Variants in MTCH1 observed in about 807,000 individuals in gnomAD.
The protein encoded by MTCH1 is mitochondrial carrier 1.
In MTCH1, 23 loss-of-function variants were observed where a neutral mutation model predicts 49.3. The ratio of observed to expected loss-of-function variants is 0.47; its 90% CI spans 0.34 to 0.66. The LOEUF is 0.66. Ranked by LOEUF, MTCH1 falls within the 30% of genes least tolerant of loss-of-function variation. The probability of loss-of-function intolerance (pLI) is 0.01; values close to 1 mark genes in which losing one functional copy is unlikely to be tolerated. For missense variants in MTCH1, 397 were observed against 532.1 expected (o/e 0.75, Z 2.50); for synonymous variants, 229 against 215.2 (o/e 1.06, Z -0.56).
At position 36,986,007 on chromosome 6, in the gene MTCH1, G is replaced by A. The variant is rs1405799185; in HGVS notation, c.167C>T (p.Pro56Leu). 2 of 1,530,662 alleles carry A rather than the reference G, an allele frequency of 1.3e-6. No individual in the cohort carries two copies. Among genetic ancestry groups the A allele is most frequent in the Non-Finnish European group, 8.8e-7 (1 of 1,140,744 alleles). The allele number at this position is 1,530,662 out of a possible 1,614,324, so 94.8% of individuals were successfully genotyped here. The change falls in exon 1 of 12, where the codon CCT (proline) becomes CTT (leucine). Residue 56 changes from proline (P) to leucine (L), a missense_variant. By Grantham distance (98) the Pro-to-Leu change is moderately conservative. Transcript: ENST00000373627. ...AHRAHPRHPRPAAQPSARRMD... is the reference protein window; with the variant it reads ...AHRAHPRHPRLAAQPSARRMD... Reference sequence around the variant, plus strand: ...CCTGCGGGCCGAGGGCTGAGCCGCAGGCCGAGGGTGGCGAGGATGTGCGCG... The same window carrying A: ...CCTGCGGGCCGAGGGCTGAGCCGCAAGCCGAGGGTGGCGAGGATGTGCGCG...
upstream of MTCH1, among the ~76,000 whole-genome samples, chr6:36,986,527 C>T (rs1426900706): frequency 1.3e-5 from 2 of 152,180 alleles, no homozygotes; most frequent in African/African-American, 2.4e-5. Flanking sequence ...CAAGCCACCT[C>T]CCTGGCTTCG....
intron 11 of MTCH1, chr6:36,969,424 A>G: frequency 9.4e-6 from 10 of 1,065,618 alleles, no homozygotes; most frequent in Non-Finnish European, 1.1e-5. Flanking sequence ...ACTGCGAGGC[A>G]AATCAAGGCC....
intron 2 of MTCH1, among the ~76,000 whole-genome samples, chr6:36,979,310 G>T (rs971077971): frequency 3.9e-5 from 6 of 152,328 alleles, no homozygotes; most frequent in African/African-American, 1.4e-4. Context: ...CCCTACCTGT[G>T]TGAGTTAGTG....
intron 11 of MTCH1, chr6:36,969,568 G>A (rs1471876483): frequency 1.7e-5 from 20 of 1,149,322 alleles, no homozygotes; most frequent in African/African-American, 9.7e-5. Flanking sequence ...AGTTCCCCAC[G>A]TGGCCCAGCC....
At position 36,982,123 on chromosome 6, in the gene MTCH1, A is replaced by T. The variant is rs1389345941; in HGVS notation, c.322-451T>A. On this transcript the variant is annotated intron_variant, in intron 1 of 11. Transcript: ENST00000373627. This position sits in a 1 kb window ranked among gnomAD's most constrained non-coding sequence, Gnocchi z 4.1. ...TACCCAAACCTCAGACAGGTCAGCC[A>T]TTAAGTCATCTATTCCAAAGTGCAC... is the stretch of plus-strand genomic sequence containing the variant. 2.0e-5 allele frequency among the ~76,000 whole-genome samples: 3 copies of T among 152,206 alleles called. No individual in the cohort carries two copies. Among genetic ancestry groups the T allele is most frequent in the African/African-American group, 4.8e-5 (2 of 41,452 alleles).
chr6:36,969,596 T>G, intron 11 of MTCH1: 1 of 1,179,204 alleles, frequency 8.5e-7, no homozygotes, highest in Non-Finnish European at 1.1e-6. Context: ...CAGGCTCTCC[T>G]GGGCCCAGGA....
At chr6:36,985,714 C>CCCCCCGCCCCCCCA in intron 1 of MTCH1, 139 bp downstream of exon 1, 1 of 404,928 alleles carries the variant, frequency 2.5e-6, no homozygotes. Flanking sequence ...CCATCCCACC[C>CCCCCCGCCCCCCCA]ACTCGGCCCC....
chr6:36,983,584 A>C (rs567142458), intron 1 of MTCH1, among the ~76,000 whole-genome samples: 1 of 152,258 alleles, frequency 6.6e-6, no homozygotes, highest in South Asian at 2.1e-4. Flanking sequence ...ATTTGTTCCC[A>C]AGTCATTAAA....
At chr6:36,971,781 G>A (rs1476409541) in intron 8 of MTCH1, among the ~76,000 whole-genome samples, 2 of 152,140 alleles carry the variant, frequency 1.3e-5, no homozygotes, top group Non-Finnish European at 2.9e-5. Context: ...AGCCTCCTGG[G>A]AGGGAAAGCC....
intron 6 of MTCH1, chr6:36,976,640 A>C (rs1489524937): frequency 4.3e-6 from 2 of 467,550 alleles, no homozygotes; most frequent in East Asian, 1.4e-4. Flanking sequence ...ATCTTAAGAG[A>C]GGAAGGGCAA....
chr6:36,969,783 T>A, intron 11 of MTCH1: 1 of 1,396,324 alleles, frequency 7.2e-7, no homozygotes, highest in Non-Finnish European at 9.3e-7. Context: ...ATCCTAAGAG[T>A]CTTTAAGACT....
At chr6:36,971,448 T>C (rs1583249478) in intron 8 of MTCH1, among the ~76,000 whole-genome samples, 1 of 152,272 alleles carries the variant, frequency 6.6e-6, no homozygotes, top group East Asian at 1.9e-4. Flanking sequence ...GGTGCACTCC[T>C]GGCCACCCTT....
In MTCH1 at chr6:36,977,158, AG is replaced by A. The variant is rs1763909089; in HGVS notation, c.701+40del. On this transcript the variant is annotated intron_variant, in intron 6 of 11. Coordinates refer to ENST00000373627, the MANE Select transcript of MTCH1 (RefSeq NM_001271641.2). This position sits in a 1 kb window ranked among gnomAD's most constrained non-coding sequence, Gnocchi z 5.4. ...ACGGCCTGCCCTGGCCGACTCTGAA[AG>A]GGTAACAGGGCCACTCTGCCAGTCC... The A allele has an allele frequency of 6.2e-7, 1 of 1,607,950 alleles. No individual in the cohort carries two copies. Among genetic ancestry groups the A allele is most frequent in the Non-Finnish European group, 8.5e-7 (1 of 1,175,074 alleles).
chr6:36,977,997 C>T lies in MTCH1; in HGVS notation c.591+81G>A, dbSNP rs181247055. The T allele has an allele frequency of 1.7e-5, 22 of 1,300,030 alleles. No individual in the cohort carries two copies. The African/African-American group carries it at 2.2e-4, about 13-fold the overall frequency. 80.5% of individuals were successfully genotyped at this position (1,300,030 alleles called of 1,614,324 possible). A position where few individuals can be genotyped will look rare whatever the true frequency, so the allele number is the denominator to read the frequency against. On this transcript the variant is annotated intron_variant, in intron 4 of 11. Transcript: ENST00000373627. The surrounding 1 kb of genome is among the most constrained non-coding windows in gnomAD (Gnocchi z 5.4). ...ACAAGGACCCAACTCTTCGACTTGTCAATGACCCGCCCAACTTGGGGGTGA... is the reference window on the plus strand; with the variant it reads ...ACAAGGACCCAACTCTTCGACTTGTTAATGACCCGCCCAACTTGGGGGTGA...
intron 7 of MTCH1, among the ~76,000 whole-genome samples, chr6:36,974,926 G>A (rs1250709571): frequency 3.3e-5 from 5 of 152,066 alleles, no homozygotes; most frequent in Admixed American, 3.3e-4. Context: ...ACCTTAAAAC[G>A]GCAAATCAAA....
Position 36,970,686 on chromosome 6 carries a change from C to T in MTCH1, c.915G>A (p.Gln305=). The change falls in exon 9 of 12, where the codon CAG becomes CAA. Residue 305 remains glutamine (Q), a synonymous_variant. Coordinates refer to ENST00000373627, the MANE Select transcript of MTCH1 (RefSeq NM_001271641.2). ...TGGTATAGCTCCGGATGGCCAGGGC[C>T]TGGCTGAACTGAGGAGACAGAAGGG... is the stretch of plus-strand genomic sequence containing the variant. ...NDQNPGSQFS[Q]ALAIRSYTKF... 1 of 1,614,160 alleles carries T rather than the reference C, an allele frequency of 6.2e-7. No individual in the cohort carries two copies. The highest frequency in any genetic ancestry group is 8.5e-7 in the Non-Finnish European group (1 of 1,180,026).
rs1763630617 is a variant in MTCH1 at position 36,970,235 on chromosome 6, C to G, written c.1023-121G>C. The G allele has an allele frequency of 3.5e-6, 5 of 1,415,278 alleles. No homozygotes were observed. The East Asian group carries it at 1.2e-4, about 33-fold the overall frequency. The allele number at this position is 1,415,278 out of a possible 1,614,324, so 87.7% of individuals were successfully genotyped here. On this transcript the variant is annotated intron_variant, in intron 10 of 11. Transcript: ENST00000373627. ...ATCCACACCCTGACCCCTGACACCACAGTTTACCCCAGGGGGTGCTGGGAA... is the reference window on the plus strand; with the variant it reads ...ATCCACACCCTGACCCCTGACACCAGAGTTTACCCCAGGGGGTGCTGGGAA...
Position 36,981,652 on chromosome 6 carries a change from G to A in MTCH1, c.342C>T (p.Pro114=), listed in dbSNP as rs768448344. The A allele has an allele frequency of 3.1e-6, 5 of 1,613,404 alleles. No individual in the cohort carries two copies. The African/African-American group carries it at 6.7e-5, about 22-fold the overall frequency. ...LLIQVGHEPM[P]PTLGTNVLGR... The stretch of plus-strand genomic sequence containing the variant: ...CCAGCACATTGGTCCCAAGGGTGGG[G>A]GGCATCGGCTCATGACCCACCTTCA... The change falls in exon 2 of 12, where the codon CCC becomes CCT. Residue 114 remains proline, a synonymous_variant. Coordinates refer to ENST00000373627, the MANE Select transcript of MTCH1 (RefSeq NM_001271641.2).
Position 36,986,082 on chromosome 6 carries a change from C to T in MTCH1, c.92G>A (p.Gly31Glu). The change falls in exon 1 of 12, where the codon GGA becomes GAA. Residue 31 changes from glycine to glutamate, a missense_variant. Gly to Glu is a moderately conservative substitution (Grantham distance 98). This residue lies in a region of MTCH1 where 145 missense variants were observed against 143.8 expected (regional missense o/e 1.01). Coordinates refer to ENST00000373627, the MANE Select transcript of MTCH1 (RefSeq NM_001271641.2). ...TCGAGCCTCGACCCCCGCCGCCGCT[C>T]CGCCGCGAGCTCCGGCTCCAGCTCC... ...GAGAGAGARG[G>E]AAAGVEARAR... is the part of the protein sequence containing the mutation. 1 of 1,430,578 alleles carries T rather than the reference C, an allele frequency of 7.0e-7. No individual in the cohort carries two copies. Among genetic ancestry groups the T allele is most frequent in the South Asian group, 1.4e-5 (1 of 69,220 alleles). The allele number at this position is 1,430,578 out of a possible 1,614,324, so 88.6% of individuals were successfully genotyped here.
Sources: allele counts gnomAD v4.1 joint callset (sites outside exome capture counted in the v4.1 genomes callset), GRCh38; gene constraint gnomAD v4.1.1; regional missense constraint gnomAD v4.1.1; non-coding constraint Gnocchi (gnomAD v3.1); transcripts MANE v1.5; gene names NCBI Gene and HGNC (gene_info 2026-07-23, HGNC 2026-07-21).